The following VEZT variants were observed in gnomAD, a reference collection of about 807,000 sequenced individuals.
VEZT encodes vezatin.
VEZT carries 39 observed loss-of-function variants against 79.9 expected under a neutral mutation model. The observed-to-expected ratio is 0.49, with a 90% CI of 0.38 to 0.64. The LOEUF is 0.64. Ranked by LOEUF, VEZT falls within the 30% of genes least tolerant of loss-of-function variation. VEZT has a pLI of 0.00. For missense variants in VEZT, 837 were observed against 893.1 expected (o/e 0.94, Z 0.80); for synonymous variants, 325 against 327.6 (o/e 0.99, Z 0.09).
At chr12:95,244,247 C>T (rs368813809) in intron 1 of VEZT, among the ~76,000 whole-genome samples, 22 of 151,836 alleles carry the variant, frequency 1.4e-4, no homozygotes, top group East Asian at 1.4e-3. Flanking sequence ...AACAATTAGC[C>T]GGACATAATG....
intron 9 of VEZT, among the ~76,000 whole-genome samples, chr12:95,291,902 G>A (rs1480553284): frequency 6.6e-6 from 1 of 152,106 alleles, no homozygotes; most frequent in Non-Finnish European, 1.5e-5. Flanking sequence ...AGGTTCAAAT[G>A]ATCCTCCTGC....
intron 7 of VEZT, among the ~76,000 whole-genome samples, chr12:95,277,989 C>G (rs1365509822): frequency 6.6e-6 from 1 of 152,180 alleles, no homozygotes; most frequent in African/African-American, 2.4e-5. Context: ...TGTACTCTAG[C>G]TTAAGTATAG....
At chr12:95,219,467 G>T (rs1303613447) in intron 1 of VEZT, among the ~76,000 whole-genome samples, 1 of 152,080 alleles carries the variant, frequency 6.6e-6, no homozygotes, top group East Asian at 1.9e-4. Flanking sequence ...AAAACAAAAG[G>T]TATACCACGT....
intron 6 of VEZT, among the ~76,000 whole-genome samples, chr12:95,272,838 T>C (rs2066897995): frequency 6.6e-6 from 1 of 152,146 alleles, no homozygotes; most frequent in African/African-American, 2.4e-5. Context: ...CTCACTGTAG[T>C]CTCATTCTCA....
chr12:95,257,462 G>A (rs1438177419), intron 3 of VEZT, among the ~76,000 whole-genome samples: 1 of 152,260 alleles, frequency 6.6e-6, no homozygotes, highest in African/African-American at 2.4e-5. Context: ...TTATTGAAAC[G>A]TTATTTGTTA....
rs189809454 is a variant in VEZT at position 95,292,577 on chromosome 12, C to T, written c.1523-1695C>T. On this transcript the variant is annotated intron_variant, in intron 9 of 11. Coordinates refer to ENST00000436874, the MANE Select transcript of VEZT (RefSeq NM_017599.4). ...TTTTTTTTTTTTTTTGAGACAAAGT[C>T]GCACTCTGTCGCCCAGGCTGGAGTG... 9.8e-3 allele frequency among the ~76,000 whole-genome samples: 1,379 copies of T among 140,514 alleles called. 28 individuals are homozygous for T. Among genetic ancestry groups the T allele is most frequent in the African/African-American group, 0.036 (1,322 of 36,784 alleles). 92.2% of individuals were successfully genotyped at this position (140,514 alleles called of 152,430 possible).
At chr12:95,289,063 C>A (rs193142607) in intron 9 of VEZT, among the ~76,000 whole-genome samples, 2,101 of 145,290 alleles carry the variant, frequency 0.014, 18 homozygotes, top group Non-Finnish European at 0.022. Flanking sequence ...GCCTGGGCAA[C>A]AGAGCGAGAC....
intron 8 of VEZT, chr12:95,286,532 T>C: frequency 7.6e-6 from 4 of 529,070 alleles, no homozygotes; most frequent in South Asian, 6.0e-5. Flanking sequence ...GCATCTCTTC[T>C]TTGATTTGCT....
At chr12:95,255,341 T>C (rs1226461933) in intron 2 of VEZT, among the ~76,000 whole-genome samples, 1 of 152,230 alleles carries the variant, frequency 6.6e-6, no homozygotes, top group African/African-American at 2.4e-5. Context: ...AGTCAGCTTC[T>C]GTGTCTCTTA....
chr12:95,294,078 G>A (rs55666888), intron 9 of VEZT, 194 bp from the exon 10 acceptor site: 5,139 of 476,914 alleles, frequency 0.011, 35 homozygotes, highest in Non-Finnish European at 0.014. Flanking sequence ...TTTTTGTAGC[G>A]ACAGAGTCTT....
chr12:95,261,250 G>A (rs2064427630), intron 3 of VEZT, among the ~76,000 whole-genome samples: 1 of 152,114 alleles, frequency 6.6e-6, no homozygotes, highest in Non-Finnish European at 1.5e-5. Flanking sequence ...GTGGTGTGGG[G>A]ATGATTAAAT....
intron 3 of VEZT, chr12:95,258,198 G>C (rs752366144): frequency 3.3e-4 from 152 of 455,290 alleles, no homozygotes; most frequent in South Asian, 2.4e-3. Context: ...TATTGAGAAG[G>C]TCAATGAAGT....
chr12:95,252,655 C>A (rs2137884720), intron 2 of VEZT, among the ~76,000 whole-genome samples: 1 of 152,234 alleles, frequency 6.6e-6, no homozygotes, highest in South Asian at 2.1e-4. Context: ...GTCCTGCTAG[C>A]CATGTTTACT....
At position 95,236,016 on chromosome 12, in the gene VEZT, G is replaced by A. The variant is rs1008937756; in HGVS notation, c.37-15924G>A. Among the ~76,000 whole-genome samples, 12 of 152,002 alleles carry A rather than the reference G, an allele frequency of 7.9e-5. No individual in the cohort carries two copies. The South Asian group carries it at 8.3e-4, about 11-fold the overall frequency. On this transcript the variant is annotated intron_variant, in intron 1 of 11. Coordinates refer to ENST00000436874, the MANE Select transcript of VEZT (RefSeq NM_017599.4). The stretch of plus-strand genomic sequence containing the variant: ...CAGAGACGCTCCTCACTTCCCAGAC[G>A]GGGTGGCGGCTGGGCAGAGGCTGCA...
intron 1 of VEZT, among the ~76,000 whole-genome samples, chr12:95,221,803 C>G (rs1049556774): frequency 6.6e-6 from 1 of 151,940 alleles, no homozygotes; most frequent in African/African-American, 2.4e-5. Context: ...AGCTACAATT[C>G]CAGCCTGGGT....
chr12:95,297,242 G>C (rs1037435821), intron 11 of VEZT, among the ~76,000 whole-genome samples: 6 of 152,214 alleles, frequency 3.9e-5, no homozygotes, highest in African/African-American at 1.4e-4. Flanking sequence ...CTAATTCTTA[G>C]TTGAATTAAT....
At chr12:95,234,813 A>C (rs555732321) in intron 1 of VEZT, among the ~76,000 whole-genome samples, 6 of 152,308 alleles carry the variant, frequency 3.9e-5, no homozygotes, top group Admixed American at 3.3e-4. Flanking sequence ...GGCCTTCCGC[A>C]GTGTTTGTGT....
At chr12:95,252,736 G>T (rs985675823) in intron 2 of VEZT, among the ~76,000 whole-genome samples, 2 of 152,146 alleles carry the variant, frequency 1.3e-5, no homozygotes, top group Admixed American at 1.3e-4. Flanking sequence ...AGGCCAAGGC[G>T]AGTGGATCAC....
intron 7 of VEZT, 40 bp from the exon 8 acceptor site, chr12:95,282,273 T>G: frequency 6.8e-7 from 1 of 1,462,686 alleles, no homozygotes; most frequent in African/African-American, 1.7e-5. Context: ...CACTGACCAA[T>G]ATTTTTATTG....
Sources: gnomAD v4.1 joint callset for allele counts (sites outside exome capture counted in the v4.1 genomes callset) on GRCh38, gnomAD v4.1.1 for gene constraint, MANE v1.5 for transcripts, NCBI Gene and HGNC (gene_info 2026-07-23, HGNC 2026-07-21) for gene names.